The following EPC1 variants were observed in gnomAD, a reference collection of about 807,000 sequenced individuals.
The protein encoded by EPC1 is enhancer of polycomb 1.
EPC1 carries 12 observed loss-of-function variants against 98.4 expected under a neutral mutation model. The ratio of observed to expected loss-of-function variants is 0.12; its 90% CI spans 0.08 to 0.20. The LOEUF (loss-of-function observed/expected upper bound fraction) is 0.20, where lower values mean the gene tolerates loss of function less well. Among genes scored for constraint, EPC1 ranks in the 10% least tolerant of loss-of-function variants. EPC1 has a pLI of 1.00. For synonymous variants in EPC1, 357 were observed against 363.9 expected (o/e 0.98, Z 0.21); for missense variants, 729 against 990.5 (o/e 0.74, Z 3.54).
chr10:32,282,386 G>A (rs1475639106), intron 10 of EPC1: 1 of 152,214 alleles, frequency 6.6e-6, no homozygotes, highest in Non-Finnish European at 1.5e-5. Context: ...CAGTCATGGT[G>A]GCATACGCCT....
At chr10:32,328,432 C>T (rs1355248418) in intron 1 of EPC1, among the ~76,000 whole-genome samples, 5 of 152,140 alleles carry the variant, frequency 3.3e-5, no homozygotes, top group African/African-American at 9.7e-5. Flanking sequence ...GTTGTGCTAC[C>T]AACAAACAAC....
intron 2 of EPC1, among the ~76,000 whole-genome samples, chr10:32,298,483 C>T (rs570530212): frequency 1.6e-4 from 25 of 152,266 alleles, no homozygotes; most frequent in African/African-American, 5.3e-4. Flanking sequence ...AGTTTTAACA[C>T]GAGCACTAAC....
At chr10:32,296,345 C>G (rs1592562320) in intron 2 of EPC1, among the ~76,000 whole-genome samples, 1 of 152,288 alleles carries the variant, frequency 6.6e-6, no homozygotes, top group South Asian at 2.1e-4. Flanking sequence ...ATCACAAAGC[C>G]TAATTATTCA....
At chr10:32,375,066 T>C (rs1839843821) in intron 1 of EPC1, among the ~76,000 whole-genome samples, 1 of 152,138 alleles carries the variant, frequency 6.6e-6, no homozygotes, top group Admixed American at 6.5e-5. Flanking sequence ...ATTTTCCTCT[T>C]GTTTTCTTTT....
At chr10:32,358,435 G>A (rs990335044) in intron 1 of EPC1, among the ~76,000 whole-genome samples, 3 of 152,044 alleles carry the variant, frequency 2.0e-5, no homozygotes, top group African/African-American at 7.2e-5. Context: ...CTTGCACCCA[G>A]GAGTTTGAGA....
At chr10:32,274,301 T>C (rs1835975735) in intron 10 of EPC1, among the ~76,000 whole-genome samples, 1 of 152,150 alleles carries the variant, frequency 6.6e-6, no homozygotes, top group Admixed American at 6.5e-5. Context: ...ATCTAAAGTT[T>C]AATGTTTTCA....
chr10:32,327,178 A>G (rs1331217127), intron 1 of EPC1, among the ~76,000 whole-genome samples: 4 of 152,094 alleles, frequency 2.6e-5, no homozygotes, highest in Non-Finnish European at 4.4e-5. Context: ...ACTATGTTAA[A>G]GTGAGATAAA....
At chr10:32,292,764 G>C in intron 4 of EPC1, 120 bp from the exon 5 acceptor site, 3 of 1,028,002 alleles carry the variant, frequency 2.9e-6, no homozygotes, top group Admixed American at 6.8e-5. Flanking sequence ...CAATAAAAGG[G>C]AGCACAGATC....
At chr10:32,372,818 C>T (rs1053922122) in intron 1 of EPC1, among the ~76,000 whole-genome samples, 1 of 152,154 alleles carries the variant, frequency 6.6e-6, no homozygotes, top group Non-Finnish European at 1.5e-5. Context: ...ATCAGGAGTT[C>T]GAGACTAGCC....
chr10:32,320,187 GGTT>G (rs1240990916), intron 1 of EPC1, among the ~76,000 whole-genome samples: 1 of 144,938 alleles, frequency 6.9e-6, no homozygotes, highest in Admixed American at 7.0e-5. Context: ...TCCAAATAAT[GGTT>G]GTTTTTTTTT....
chr10:32,282,188 G>T (rs1045708129), intron 10 of EPC1: 5 of 152,032 alleles, frequency 3.3e-5, no homozygotes, highest in African/African-American at 1.2e-4. Flanking sequence ...AGGAGAAATT[G>T]AAAATAATTA....
Position 32,337,687 on chromosome 10 carries a change from G to C in EPC1, c.153+9076C>G, listed in dbSNP as rs548950216. On this transcript the variant is annotated intron_variant, in intron 1 of 13. Coordinates refer to ENST00000319778, the MANE Select transcript of EPC1 (RefSeq NM_001272004.3). The stretch of plus-strand genomic sequence containing the variant: ...TAATTTTTAAAAGAAATCATTTGCT[G>C]ATCTGGGAGCCTCCTCCAGCTACTC... Among the ~76,000 whole-genome samples, 3 of 152,254 alleles carry C rather than the reference G, an allele frequency of 2.0e-5. No individual in the cohort carries two copies. The South Asian group carries it at 6.2e-4, about 32-fold the overall frequency.
chr10:32,294,318 C>T (rs1009269049), intron 2 of EPC1, among the ~76,000 whole-genome samples: 5 of 152,158 alleles, frequency 3.3e-5, no homozygotes, highest in Non-Finnish European at 5.9e-5. Flanking sequence ...TATTTGAATA[C>T]GTATAATGAG....
intron 1 of EPC1, among the ~76,000 whole-genome samples, chr10:32,371,313 G>A (rs1839742263): frequency 1.3e-5 from 2 of 152,098 alleles, no homozygotes; most frequent in Non-Finnish European, 2.9e-5. Context: ...CTAAATATAG[G>A]TCATTGGCAT....
rs903969192 is a variant in EPC1, at chr10:32,272,259, A to G, written c.1864-92T>C. The G allele has an allele frequency of 1.8e-5, 19 of 1,082,070 alleles. No homozygotes were observed. The African/African-American group carries it at 2.7e-4, about 15-fold the overall frequency. The allele number at this position is 1,082,070 out of a possible 1,614,324, so 67.0% of individuals were successfully genotyped here. A position where few individuals can be genotyped will look rare whatever the true frequency, so the allele number is the denominator to read the frequency against. On this transcript the variant is annotated intron_variant, in intron 11 of 13. Transcript: ENST00000319778. ...CATGCATACCAAAATCAGTTTGAAT[A>G]TAAGTAAAAATGGCAAACCACTGAA... is the stretch of plus-strand genomic sequence containing the variant.
chr10:32,287,098 C>T lies in EPC1; in HGVS notation c.1152G>A (p.Gln384=), dbSNP rs775754572. 3.1e-6 allele frequency: 5 copies of T among 1,614,070 alleles called. No homozygotes were observed. The South Asian group carries it at 5.5e-5, about 18-fold the overall frequency. ...TGTTCATAGAGAATTGTATTTGTAC[C>T]TGGGAGAGAGGTTCTTCGTCTGAGC... The part of the protein sequence containing the change: ...FPSSDEEPLS[Q]VLSGSSEAEE... The change falls in exon 7 of 14, where the codon CAG becomes CAA. Residue 384 remains glutamine (Q), a splice_region_variant and synonymous_variant. Coordinates refer to ENST00000319778, the MANE Select transcript of EPC1 (RefSeq NM_001272004.3).
chr10:32,349,553 C>T (rs1200503353), upstream of EPC1, among the ~76,000 whole-genome samples: 2 of 150,252 alleles, frequency 1.3e-5, no homozygotes, highest in East Asian at 3.9e-4. Context: ...GGCTGGAGTC[C>T]CAAGCCTCTT....
intron 1 of EPC1, among the ~76,000 whole-genome samples, chr10:32,339,655 C>A (rs1838209358): frequency 1.3e-5 from 2 of 152,268 alleles, no homozygotes; most frequent in East Asian, 1.9e-4. Context: ...GTCACACAAT[C>A]CCAAATACAA....
intron 1 of EPC1, among the ~76,000 whole-genome samples, chr10:32,310,352 A>G (rs1237492048): frequency 1.3e-5 from 2 of 152,200 alleles, no homozygotes; most frequent in African/African-American, 2.4e-5. Flanking sequence ...TGTGTATTAC[A>G]TACCTACCAC....
Sources: gnomAD v4.1 joint callset for allele counts (sites outside exome capture counted in the v4.1 genomes callset) on GRCh38, gnomAD v4.1.1 for gene constraint, MANE v1.5 for transcripts, NCBI Gene and HGNC (gene_info 2026-07-23, HGNC 2026-07-21) for gene names.